Variants in CCSER1 observed in about 807,000 individuals in gnomAD.
CCSER1 encodes the protein serine-rich coiled-coil domain-containing protein 1.
In CCSER1, 41 loss-of-function variants were observed where a neutral mutation model predicts 82.0. That is an observed-to-expected ratio of 0.50 (90% CI 0.39 to 0.65). The LOEUF is 0.65. CCSER1 is among the 30% of genes least tolerant of loss of function. CCSER1 has a pLI of 0.00. For missense variants in CCSER1, 1,119 were observed against 1,064.2 expected, an observed-to-expected ratio of 1.05 and a Z score of -0.72; for synonymous variants, 414 against 383.9, an observed-to-expected ratio of 1.08 and a Z score of -0.92.
intron 7 of CCSER1, among the ~76,000 whole-genome samples, chr4:90,755,255 G>A (rs1749316549): frequency 6.6e-6 from 1 of 152,192 alleles, no homozygotes; most frequent in African/African-American, 2.4e-5. Flanking sequence ...TGATAAACAA[G>A]TAAGAGTCAG....
At chr4:91,434,872 G>T (rs1027813657) in intron 10 of CCSER1, among the ~76,000 whole-genome samples, 2 of 152,168 alleles carry the variant, frequency 1.3e-5, no homozygotes, top group African/African-American at 4.8e-5. Flanking sequence ...GTCCAATGAT[G>T]ATGACATCAG....
At chr4:90,585,528 T>C (rs1219861781) in intron 5 of CCSER1, among the ~76,000 whole-genome samples, 1 of 152,232 alleles carries the variant, frequency 6.6e-6, no homozygotes, top group African/African-American at 2.4e-5. Flanking sequence ...AATGCTTTCT[T>C]ATTCTTATAA....
intron 10 of CCSER1, among the ~76,000 whole-genome samples, chr4:91,324,700 T>A (rs1330830438): frequency 5.9e-5 from 9 of 152,182 alleles, no homozygotes; most frequent in Non-Finnish European, 1.3e-4. Context: ...AGATTTTATT[T>A]CATTCTAGTA....
chr4:90,962,663 G>T (rs1734162762), intron 9 of CCSER1, among the ~76,000 whole-genome samples: 1 of 152,064 alleles, frequency 6.6e-6, no homozygotes, highest in Non-Finnish European at 1.5e-5. Flanking sequence ...GTTCAAGCAA[G>T]AAATATTTAG....
intron 5 of CCSER1, among the ~76,000 whole-genome samples, chr4:90,518,450 A>G (rs945204809): frequency 2.6e-5 from 4 of 152,110 alleles, no homozygotes; most frequent in African/African-American, 9.6e-5. Flanking sequence ...AGTTTTAAAC[A>G]TCTTTTGTAA....
At chr4:90,248,422 T>A (rs1721818622) in intron 1 of CCSER1, among the ~76,000 whole-genome samples, 1 of 152,220 alleles carries the variant, frequency 6.6e-6, no homozygotes, top group Non-Finnish European at 1.5e-5. Context: ...TGGGTTTTGC[T>A]TTGCTGGTCC....
intron 10 of CCSER1, among the ~76,000 whole-genome samples, chr4:91,443,055 G>A (rs1467483116): frequency 1.3e-5 from 2 of 152,078 alleles, no homozygotes; most frequent in African/African-American, 2.4e-5. Flanking sequence ...CATTGTGGAA[G>A]TCAGTGTGGT....
At chr4:90,904,566 T>A (rs1451112857) in intron 8 of CCSER1, among the ~76,000 whole-genome samples, 1 of 152,152 alleles carries the variant, frequency 6.6e-6, no homozygotes, top group East Asian at 1.9e-4. Context: ...GACAGTGTGA[T>A]CATATTATAA....
chr4:90,497,459 A>G (rs555141247), intron 5 of CCSER1, among the ~76,000 whole-genome samples: 83 of 152,294 alleles, frequency 5.4e-4, no homozygotes, highest in African/African-American at 1.8e-3. Flanking sequence ...TTGTTATTAC[A>G]TCCTCCTCAT....
At chr4:90,512,664 A>G (rs1240712519) in intron 5 of CCSER1, among the ~76,000 whole-genome samples, 1 of 152,214 alleles carries the variant, frequency 6.6e-6, no homozygotes, top group Admixed American at 6.5e-5. Context: ...TTACACTGTG[A>G]TATATTCCAA....
At chr4:91,364,698 T>A (rs1749485927) in intron 10 of CCSER1, among the ~76,000 whole-genome samples, 1 of 152,114 alleles carries the variant, frequency 6.6e-6, no homozygotes, top group Admixed American at 6.6e-5. Context: ...TAATTCAGGT[T>A]ATTAATCTCT....
intron 1 of CCSER1, among the ~76,000 whole-genome samples, chr4:90,244,755 T>G (rs1428213193): frequency 6.6e-6 from 1 of 152,158 alleles, no homozygotes. Flanking sequence ...TCCTACCAGG[T>G]CTCTCCTTCA....
intron 3 of CCSER1, among the ~76,000 whole-genome samples, chr4:90,314,493 C>T (rs1735822320): frequency 6.6e-6 from 1 of 151,986 alleles, no homozygotes; most frequent in Non-Finnish European, 1.5e-5. Flanking sequence ...GTGCCTTTTA[C>T]ATATTCTCTC....
intron 3 of CCSER1, among the ~76,000 whole-genome samples, chr4:90,323,469 TG>T (rs1446471238): frequency 6.6e-6 from 1 of 152,178 alleles, no homozygotes; most frequent in Non-Finnish European, 1.5e-5. Flanking sequence ...AACCTCTAAA[TG>T]GTTTCTCTGT....
At chr4:91,421,286 G>A (rs1413281447) in intron 10 of CCSER1, among the ~76,000 whole-genome samples, 1 of 152,192 alleles carries the variant, frequency 6.6e-6, no homozygotes, top group Non-Finnish European at 1.5e-5. Context: ...GCAAACTGGA[G>A]AACCAGGAAA....
intron 1 of CCSER1, among the ~76,000 whole-genome samples, chr4:90,222,288 T>C (rs967247761): frequency 6.6e-6 from 1 of 152,226 alleles, no homozygotes; most frequent in African/African-American, 2.4e-5. Context: ...ATTTAAAATA[T>C]ACTTCTATCC....
At chr4:91,424,802 G>A (rs1245153334) in intron 10 of CCSER1, among the ~76,000 whole-genome samples, 1 of 152,052 alleles carries the variant, frequency 6.6e-6, no homozygotes, top group South Asian at 2.1e-4. Flanking sequence ...ATCTTTCCGA[G>A]TATAGGTGAT....
chr4:90,363,818 T>C (rs1745810622), intron 3 of CCSER1, among the ~76,000 whole-genome samples: 1 of 152,086 alleles, frequency 6.6e-6, no homozygotes, highest in South Asian at 2.1e-4. Context: ...TCTGTAGTGG[T>C]CTGATGTTGC....
chr4:91,066,298 T>C (rs1023070805), intron 9 of CCSER1, among the ~76,000 whole-genome samples: 3 of 152,226 alleles, frequency 2.0e-5, no homozygotes, highest in African/African-American at 7.2e-5. Flanking sequence ...CAGAAAAAGC[T>C]AATTATCTTA....
Sources: gnomAD v4.1 joint callset for allele counts (sites outside exome capture counted in the v4.1 genomes callset) on GRCh38, gnomAD v4.1.1 for gene constraint, MANE v1.5 for transcripts, NCBI Gene and HGNC (gene_info 2026-07-23, HGNC 2026-07-21) for gene names.